GABRB1: variants seen among roughly 807,000 people sequenced by gnomAD.
GABRB1 encodes gamma-aminobutyric acid receptor subunit beta-1.
In GABRB1, 17 loss-of-function variants were observed where a neutral mutation model predicts 51.6. That is an observed-to-expected ratio of 0.33 (90% confidence interval 0.23 to 0.49). The LOEUF (loss-of-function observed/expected upper bound fraction) is 0.49. Ranked by LOEUF, GABRB1 falls within the 20% of genes least tolerant of loss-of-function variation. GABRB1 has a pLI of 0.99. For missense variants in GABRB1, 410 were observed against 600.6 expected (o/e 0.68, Z 3.32); for synonymous variants, 247 against 218.9 (o/e 1.13, Z -1.14).
chr4:47,168,091 A>G (rs1226144568), intron 4 of GABRB1, among the ~76,000 whole-genome samples: 3 of 152,172 alleles, frequency 2.0e-5, no homozygotes, highest in Non-Finnish European at 4.4e-5. Flanking sequence ...TACATACAGT[A>G]TCATTTTAAC....
intron 3 of GABRB1, among the ~76,000 whole-genome samples, chr4:47,082,345 T>C (rs1028395462): frequency 1.3e-5 from 2 of 152,234 alleles, no homozygotes; most frequent in East Asian, 3.9e-4. Context: ...TCTAGCTAAA[T>C]ACTGCTGCCT....
At position 47,269,035 on chromosome 4, in the gene GABRB1, CAT is replaced by C. The variant is rs1312786239; in HGVS notation, c.462-51091_462-51090del. On this transcript the variant is annotated intron_variant, in intron 4 of 8. Coordinates refer to ENST00000295454, the MANE Select transcript of GABRB1 (RefSeq NM_000812.4). ...TTTTAGTTTAATGTTGGAGTTGAAA[CAT>C]GTGCTACAACTTATTTTGATGGTCT... Among the ~76,000 whole-genome samples the C allele has an allele frequency of 2.0e-5, 3 of 152,264 alleles. No individual in the cohort carries two copies. The East Asian group carries it at 5.8e-4, about 29-fold the overall frequency.
At chr4:47,359,365 A>G (rs1201517588) in intron 5 of GABRB1, among the ~76,000 whole-genome samples, 7 of 152,186 alleles carry the variant, frequency 4.6e-5, no homozygotes, top group Admixed American at 4.6e-4. Flanking sequence ...CATTTATTTA[A>G]TAGCAGTGAA....
chr4:47,196,093 C>A (rs1419674994), intron 4 of GABRB1, among the ~76,000 whole-genome samples: 1 of 152,142 alleles, frequency 6.6e-6, no homozygotes, highest in Non-Finnish European at 1.5e-5. Flanking sequence ...AATAGTGTAT[C>A]CTAAAAGGAA....
chr4:47,031,734 G>A lies in GABRB1; in HGVS notation c.80+3G>A, dbSNP rs779124452. 1.9e-6 allele frequency: 3 copies of A among 1,611,208 alleles called. No individual in the cohort carries two copies. Among genetic ancestry groups the A allele is most frequent in the South Asian group, 2.2e-5 (2 of 90,972 alleles). ...ACCATGGTCTGTTGTGCACACAGGT[G>A]AGCTGCTGTTGTTGAATCTCGCTCT... is the stretch of plus-strand genomic sequence containing the variant. On this transcript the variant is annotated splice_donor_region_variant and intron_variant, in intron 1 of 8. Coordinates refer to ENST00000295454, the MANE Select transcript of GABRB1 (RefSeq NM_000812.4).
intron 3 of GABRB1, among the ~76,000 whole-genome samples, chr4:47,146,193 TA>T (rs1008126729): frequency 6.6e-6 from 1 of 151,928 alleles, no homozygotes; most frequent in African/African-American, 2.4e-5. Flanking sequence ...TTACATTTTT[TA>T]AAAAAAATTT....
intron 8 of GABRB1, among the ~76,000 whole-genome samples, chr4:47,422,568 C>T (rs1729123238): frequency 6.6e-6 from 1 of 152,044 alleles, no homozygotes; most frequent in Admixed American, 6.6e-5. Context: ...TTCTGGACAC[C>T]CTTCTCCCTC....
intron 5 of GABRB1, among the ~76,000 whole-genome samples, chr4:47,343,415 T>C (rs1353600942): frequency 1.3e-5 from 2 of 152,350 alleles, no homozygotes; most frequent in African/African-American, 4.8e-5. Context: ...ACCCTTTTTA[T>C]GGAAATATTG....
intron 4 of GABRB1, among the ~76,000 whole-genome samples, chr4:47,292,635 G>C (rs1723792895): frequency 6.6e-6 from 1 of 152,220 alleles, no homozygotes; most frequent in Non-Finnish European, 1.5e-5. Context: ...CTCTGAGTTT[G>C]CTTTGGGGCT....
intron 4 of GABRB1, among the ~76,000 whole-genome samples, chr4:47,214,336 T>C (rs1040780897): frequency 6.6e-6 from 1 of 152,192 alleles, no homozygotes; most frequent in African/African-American, 2.4e-5. Flanking sequence ...TCTTCTCATT[T>C]CCTTGCAGTC....
intron 5 of GABRB1, among the ~76,000 whole-genome samples, chr4:47,398,906 T>C (rs1410801872): frequency 1.3e-5 from 2 of 152,218 alleles, no homozygotes; most frequent in Non-Finnish European, 2.9e-5. Context: ...TTCTCCCGCC[T>C]CAGCCTCCTG....
intron 3 of GABRB1, among the ~76,000 whole-genome samples, chr4:47,153,388 T>C (rs1330787882): frequency 6.6e-6 from 1 of 152,090 alleles, no homozygotes; most frequent in Non-Finnish European, 1.5e-5. Context: ...ATTATTTAGA[T>C]TCTTGAATGT....
At chr4:47,264,102 A>G (rs960050797) in intron 4 of GABRB1, among the ~76,000 whole-genome samples, 7 of 152,284 alleles carry the variant, frequency 4.6e-5, no homozygotes, top group East Asian at 1.9e-4. Flanking sequence ...AGTTCACCCC[A>G]CTTCGCTCCA....
chr4:47,121,736 G>A (rs1174290937), intron 3 of GABRB1, among the ~76,000 whole-genome samples: 1 of 152,124 alleles, frequency 6.6e-6, no homozygotes, highest in African/African-American at 2.4e-5. Context: ...TTTTTGTTAA[G>A]CTGAGTCATA....
At chr4:47,292,497 C>G (rs1198649316) in intron 4 of GABRB1, among the ~76,000 whole-genome samples, 1 of 152,198 alleles carries the variant, frequency 6.6e-6, no homozygotes, top group Non-Finnish European at 1.5e-5. Context: ...CTTGAGGGCT[C>G]TAATAAATGG....
At chr4:47,320,769 TC>T (rs147458215) in intron 5 of GABRB1, among the ~76,000 whole-genome samples, 26,950 of 115,366 alleles carry the variant, frequency 0.23, 2,586 homozygotes, top group Middle Eastern at 0.31. Flanking sequence ...TTTTCTTTTT[TC>T]TTTTTTTTTT....
chr4:46,998,605 G>C (rs1195558094), intron 1 of GABRB1, among the ~76,000 whole-genome samples: 1 of 151,810 alleles, frequency 6.6e-6, no homozygotes, highest in African/African-American at 2.4e-5. Flanking sequence ...GTGGTGGCAG[G>C]AGCCTGTAGT....
chr4:47,375,532 T>C (rs563325920), intron 5 of GABRB1, among the ~76,000 whole-genome samples: 3 of 152,328 alleles, frequency 2.0e-5, no homozygotes, highest in Admixed American at 2.0e-4. Context: ...TAAATGTCTA[T>C]CATTTGTTGG....
chr4:47,285,028 G>C (rs1049069440), intron 4 of GABRB1, among the ~76,000 whole-genome samples: 1 of 152,218 alleles, frequency 6.6e-6, no homozygotes, highest in African/African-American at 2.4e-5. Flanking sequence ...GCTCTTCTAA[G>C]AATGTCTTCT....
Sources: gnomAD v4.1 joint callset for allele counts (sites outside exome capture counted in the v4.1 genomes callset) on GRCh38, gnomAD v4.1.1 for gene constraint, MANE v1.5 for transcripts, NCBI Gene and HGNC (gene_info 2026-07-23, HGNC 2026-07-21) for gene names.